TERB1: variants seen among roughly 807,000 people sequenced by gnomAD.
TERB1 encodes the protein telomere repeat binding bouquet formation protein 1, also known as telomere repeats-binding bouquet formation protein 1.
TERB1 carries 63 observed loss-of-function variants against 92.3 expected under a neutral mutation model. The ratio of observed to expected loss-of-function variants is 0.68; its 90% CI spans 0.56 to 0.84. The LOEUF (loss-of-function observed/expected upper bound fraction) is 0.84. Among genes scored for constraint, TERB1 ranks in the 40% least tolerant of loss-of-function variants. The pLI, the probability that TERB1 is intolerant of heterozygous loss-of-function variation, is 0.00. For missense variants in TERB1, 709 were observed against 843.7 expected, an observed-to-expected ratio of 0.84 and a Z score of 1.98; for synonymous variants, 252 against 283.9, an observed-to-expected ratio of 0.89 and a Z score of 1.13.
intron 16 of TERB1, among the ~76,000 whole-genome samples, chr16:66,760,584 G>A (rs1231463708): frequency 1.5e-5 from 2 of 131,116 alleles, no homozygotes; most frequent in Non-Finnish European, 3.2e-5. Context: ...TCAGGAGTTC[G>A]AGACCAGCCT....
intron 16 of TERB1, among the ~76,000 whole-genome samples, chr16:66,762,662 G>A (rs2018272285): frequency 6.7e-6 from 1 of 149,520 alleles, no homozygotes; most frequent in Non-Finnish European, 1.5e-5. Context: ...GGGATTACAG[G>A]TGTGAACCAC....
In TERB1 at chr16:66,788,174, T is replaced by C. The variant is rs1178811245; in HGVS notation, c.395A>G (p.Asn132Ser). ...TCATAAGAGAATGTACTTACTATTA[T>C]TTGAAACCAGAACCAAAATAACATA... is the stretch of plus-strand genomic sequence containing the variant. ...SVYVILVLVS[N>S]NRTGQTLVRE... is the part of the protein sequence containing the mutation. Residue 132 changes from asparagine (N) to serine (S), a missense_variant, in exon 6 of 19, where the codon AAT becomes AGT. Transcript: ENST00000433154. 3.4e-6 allele frequency: 5 copies of C among 1,465,604 alleles called. No homozygotes were observed. In the African/African-American group the frequency reaches 4.4e-5, roughly 13 times the overall value. The allele number at this position is 1,465,604 out of a possible 1,614,324, so 90.8% of individuals were successfully genotyped here. A position where few individuals can be genotyped will look rare whatever the true frequency, so the allele number is the denominator to read the frequency against.
In TERB1 at chr16:66,770,376, A is replaced by G. The variant is rs996030579; in HGVS notation, c.1273-67T>C. 4 of 1,036,036 alleles carry G rather than the reference A, an allele frequency of 3.9e-6. No individual in the cohort carries two copies. In the African/African-American group the frequency reaches 6.5e-5, roughly 17 times the overall value. 64.2% of individuals were successfully genotyped at this position (1,036,036 alleles called of 1,614,324 possible). A position where few individuals can be genotyped will look rare whatever the true frequency, so the allele number is the denominator to read the frequency against. ...CCCTTTATAATCCAATTTATACTTC[A>G]TTTAAATAATGAAGAATGAAGAAAA... On this transcript the variant is annotated intron_variant, in intron 13 of 18. Coordinates refer to ENST00000433154, the MANE Select transcript of TERB1 (RefSeq NM_001136505.2).
Position 66,758,624 on chromosome 16 carries a change from C to T in TERB1, c.1996+149G>A, listed in dbSNP as rs139181204. ...GGTGTGGTGGCACATGTCTGTAATCCCAGCTACTTAGGAGGCTGAGGCAGG... is the reference window on the plus strand; with the variant it reads ...GGTGTGGTGGCACATGTCTGTAATCTCAGCTACTTAGGAGGCTGAGGCAGG... On this transcript the variant is annotated intron_variant, in intron 18 of 18. Transcript: ENST00000433154. 4,898 of 534,358 alleles carry T rather than the reference C, an allele frequency of 9.2e-3. 280 individuals are homozygous for T. In the East Asian group the frequency reaches 0.14, roughly 15 times the overall value. 33.1% of individuals were successfully genotyped at this position (534,358 alleles called of 1,614,324 possible). A position where few individuals can be genotyped will look rare whatever the true frequency, so the allele number is the denominator to read the frequency against.
At position 66,778,973 on chromosome 16, in the gene TERB1, A is replaced by G; in HGVS notation, c.743T>C (p.Val248Ala). The G allele has an allele frequency of 6.5e-7, 1 of 1,531,678 alleles. No individual in the cohort carries two copies. Among genetic ancestry groups the G allele is most frequent in the South Asian group, 1.2e-5 (1 of 82,626 alleles). The allele number at this position is 1,531,678 out of a possible 1,614,324, so 94.9% of individuals were successfully genotyped here. ...KYFVSVGGLDVLSQVLMQLES... is the reference protein window; with the variant it reads ...KYFVSVGGLDALSQVLMQLES... ...CAGCTGCATGAGAACTTGAGACAAT[A>G]CATCCAGTCCGCCCACAGATACGAA... The change falls in exon 10 of 19, where the codon GTA (valine) becomes GCA (alanine). Residue 248 changes from valine (V) to alanine (A), a missense_variant. Val to Ala is a moderately conservative substitution (Grantham distance 64). Transcript: ENST00000433154.
At position 66,788,254 on chromosome 16, in the gene TERB1, G is replaced by A. The variant is rs1038983547; in HGVS notation, c.315C>T (p.Asp105=). 8.6e-6 allele frequency: 13 copies of A among 1,512,888 alleles called. No homozygotes were observed. Among genetic ancestry groups the A allele is most frequent in the Non-Finnish European group, 1.1e-5 (13 of 1,131,294 alleles). The allele number at this position is 1,512,888 out of a possible 1,614,324, so 93.7% of individuals were successfully genotyped here. A position where few individuals can be genotyped will look rare whatever the true frequency, so the allele number is the denominator to read the frequency against. The part of the protein sequence containing the change: ...QTLCTSELFE[D]LTWFLSNDSN... ...AATCATTAGATAAGAACCAAGTTAA[G>A]TCTTCAAACAACTCTGAAGTACACA... The change falls in exon 6 of 19, where the codon GAC becomes GAT. Residue 105 remains aspartate (D), a synonymous_variant. Coordinates refer to ENST00000433154, the MANE Select transcript of TERB1 (RefSeq NM_001136505.2).
intron 18 of TERB1, among the ~76,000 whole-genome samples, chr16:66,757,056 C>T (rs1040930759): frequency 3.9e-5 from 6 of 152,024 alleles, no homozygotes; most frequent in South Asian, 2.1e-4. Context: ...ATTAAATGAA[C>T]GGTGGTGAGT....
chr16:66,776,520 C>T (rs1488817859), intron 11 of TERB1, among the ~76,000 whole-genome samples: 1 of 151,238 alleles, frequency 6.6e-6, no homozygotes, highest in Non-Finnish European at 1.5e-5. Flanking sequence ...GGTAAATAAA[C>T]TAATGGAGGG....
intron 9 of TERB1, among the ~76,000 whole-genome samples, chr16:66,779,545 C>T (rs977365130): frequency 2.0e-5 from 3 of 152,048 alleles, no homozygotes; most frequent in African/African-American, 7.2e-5. Flanking sequence ...TTGCAATGAG[C>T]TGAGCTCACA....
rs1959198360 is a variant in TERB1 at position 66,796,842 on chromosome 16, AG to A, written c.-32-13del. The A allele has an allele frequency of 7.5e-6, 10 of 1,332,314 alleles. No individual in the cohort carries two copies. The highest frequency in any genetic ancestry group is 2.6e-5 in the South Asian group (2 of 77,664). 82.5% of individuals were successfully genotyped at this position (1,332,314 alleles called of 1,614,324 possible). A position where few individuals can be genotyped will look rare whatever the true frequency, so the allele number is the denominator to read the frequency against. On this transcript the variant is annotated splice_polypyrimidine_tract_variant and intron_variant, in intron 2 of 18. Transcript: ENST00000433154. ...TCCTTATATTTTGTCTATAAGATAA[AG>A]GTATTTTCTCAATTTAAATCAATGT...
At chr16:66,758,703 T>C in intron 18 of TERB1, 70 bp downstream of exon 18, 1 of 920,444 alleles carries the variant, frequency 1.1e-6, no homozygotes, top group African/African-American at 1.7e-5. Flanking sequence ...ATTGCTCCAC[T>C]GCACTCCATC....
intron 18 of TERB1, among the ~76,000 whole-genome samples, chr16:66,757,422 AC>A (rs1461899399): frequency 2.0e-5 from 3 of 152,196 alleles, no homozygotes; most frequent in African/African-American, 7.2e-5. Flanking sequence ...GCTGAAAAAC[AC>A]CTATTATTAA....
intron 2 of TERB1, among the ~76,000 whole-genome samples, chr16:66,797,742 T>A (rs890415859): frequency 6.6e-6 from 1 of 151,368 alleles, no homozygotes; most frequent in African/African-American, 2.4e-5. Context: ...TATAGTGAGA[T>A]GGGATCTCAC....
rs567290320 is a variant in TERB1, at chr16:66,796,794, T to C, written c.5A>G (p.Glu2Gly). The C allele has an allele frequency of 3.3e-6, 5 of 1,530,576 alleles. No homozygotes were observed. Among genetic ancestry groups the C allele is most frequent in the Non-Finnish European group, 4.4e-6 (5 of 1,128,282 alleles). 94.8% of individuals were successfully genotyped at this position (1,530,576 alleles called of 1,614,324 possible). ...TTGTGTTTTCTTTGTGTCTTCACTT[T>C]CCATGCTTGTCTATATTCTTTTTCC... M[E>G]SEDTKKTQEM... is the part of the protein sequence containing the mutation. The change falls in exon 3 of 19, where the codon GAA (glutamate) becomes GGA (glycine). Residue 2 changes from glutamate to glycine, a missense_variant. Glu to Gly is a moderately conservative substitution (Grantham distance 98, BLOSUM62 -2). Coordinates refer to ENST00000433154, the MANE Select transcript of TERB1 (RefSeq NM_001136505.2).
rs746695159 is a variant in TERB1 at position 66,777,323 on chromosome 16, T to C, written c.865A>G (p.Ile289Val). The change falls in exon 11 of 19, where the codon ATA (isoleucine) becomes GTA (valine). Residue 289 changes from isoleucine to valine, a missense_variant. Ile to Val is a conservative substitution (Grantham distance 29). Coordinates refer to ENST00000433154, the MANE Select transcript of TERB1 (RefSeq NM_001136505.2). ...ACIADNPTFG[I>V]VLSKYHIVSK... Reference sequence around the variant, plus strand: ...ACAATGTGGTACTTGGAGAGTACTATCCCAAAAGTAGCTATTAGTATAAAA... The same window carrying C: ...ACAATGTGGTACTTGGAGAGTACTACCCCAAAAGTAGCTATTAGTATAAAA... The C allele has an allele frequency of 6.5e-7, 1 of 1,540,340 alleles. No individual in the cohort carries two copies.
rs1316333663 is a variant in TERB1 at position 66,790,685 on chromosome 16, T to A, written c.181A>T (p.Met61Leu). ...GACTTTGCAAGATTTTTTACAAACATCAAACCACCAATTTCCCGAAAATAA... is the reference window on the plus strand; with the variant it reads ...GACTTTGCAAGATTTTTTACAAACAACAAACCACCAATTTCCCGAAAATAA... ...SVYFREIGGL[M>L]FVKNLAKSSE... The change falls in exon 5 of 19, where the codon ATG becomes TTG. Residue 61 changes from methionine to leucine, a missense_variant. By Grantham distance (15) the Met-to-Leu change is conservative. Coordinates refer to ENST00000433154, the MANE Select transcript of TERB1 (RefSeq NM_001136505.2). The A allele has an allele frequency of 1.9e-6, 3 of 1,551,034 alleles. No homozygotes were observed. Among genetic ancestry groups the A allele is most frequent in the Non-Finnish European group, 2.6e-6 (3 of 1,146,662 alleles).
chr16:66,794,970 G>A (rs2018905723), intron 3 of TERB1, among the ~76,000 whole-genome samples: 1 of 148,648 alleles, frequency 6.7e-6, no homozygotes, highest in Non-Finnish European at 1.5e-5. Context: ...TTGATAAATT[G>A]GACTTAACAT....
At chr16:66,761,191 C>T (rs1374884878) in intron 16 of TERB1, among the ~76,000 whole-genome samples, 1 of 150,938 alleles carries the variant, frequency 6.6e-6, no homozygotes, top group Non-Finnish European at 1.5e-5. Flanking sequence ...GTGGCTCATG[C>T]CTGTAACCGC....
At chr16:66,758,905 TTA>T in intron 17 of TERB1, 67 bp from the exon 18 acceptor site, 2 of 1,090,318 alleles carry the variant, frequency 1.8e-6, no homozygotes, top group Non-Finnish European at 2.7e-6. Context: ...ATCAATTCCA[TTA>T]GTATATTTCC....
Sources: gnomAD v4.1 joint callset for allele counts (sites outside exome capture counted in the v4.1 genomes callset) on GRCh38, gnomAD v4.1.1 for gene constraint, MANE v1.5 for transcripts, NCBI Gene and HGNC (gene_info 2026-07-23, HGNC 2026-07-21) for gene names.